Variants in DNAH14 observed in about 807,000 individuals in gnomAD.
DNAH14 encodes dynein axonemal heavy chain 14, also known as axonemal beta dynein heavy chain 14.
DNAH14 carries 478 observed loss-of-function variants against 520.9 expected under a neutral mutation model. The observed-to-expected ratio is 0.92, with a 90% CI of 0.85 to 0.99. The LOEUF is 0.99. Ranked by LOEUF, DNAH14 falls within the 50% of genes least tolerant of loss-of-function variation. DNAH14 has a pLI of 0.00. For missense variants in DNAH14, 4,831 were observed against 5,234.5 expected (o/e 0.92, Z 2.38); for synonymous variants, 1,581 against 1,757.2 (o/e 0.90, Z 2.51).
chr1:225,351,917 AGTAT>A (rs1558494091), intron 72 of DNAH14, 34 bp downstream of exon 72: 1 of 1,503,920 alleles, frequency 6.6e-7, no homozygotes, highest in Non-Finnish European at 9.0e-7. Context: ...ACCTAACTTA[AGTAT>A]GTGTGTATGT....
chr1:225,335,381 A>ATACACGTGTGTACATGTGTGTGTG lies in DNAH14; in HGVS notation c.10080+1876_10080+1877insACACGTGTGTACATGTGTGTGTGT, dbSNP rs1558428230. On this transcript the variant is annotated intron_variant, in intron 66 of 85. Coordinates refer to ENST00000682510, the MANE Select transcript of DNAH14 (RefSeq NM_001367479.1). The stretch of plus-strand genomic sequence containing the variant: ...TATACACGTGTACATGTGTGTGTAT[A>ATACACGTGTGTACATGTGTGTGTG]TGCACATATACACATGTGTACATGT... Among the ~76,000 whole-genome samples, 15 of 66,556 alleles carry ATACACGTGTGTACATGTGTGTGTG rather than the reference A, an allele frequency of 2.3e-4. 2 individuals are homozygous for ATACACGTGTGTACATGTGTGTGTG. The highest frequency in any genetic ancestry group is 3.0e-4 in the African/African-American group (5 of 16,696). 43.7% of individuals were successfully genotyped at this position (66,556 alleles called of 152,430 possible). A position where few individuals can be genotyped will look rare whatever the true frequency, so the allele number is the denominator to read the frequency against.
intron 84 of DNAH14, among the ~76,000 whole-genome samples, chr1:225,392,976 C>T (rs2095941252): frequency 6.6e-6 from 1 of 152,196 alleles, no homozygotes; most frequent in Non-Finnish European, 1.5e-5. Flanking sequence ...CCAGCCCTGC[C>T]ACTCCCACGC....
chr1:225,017,575 T>C (rs2065313635), intron 10 of DNAH14, among the ~76,000 whole-genome samples: 1 of 152,208 alleles, frequency 6.6e-6, no homozygotes, highest in Non-Finnish European at 1.5e-5. Context: ...ACACTTTTGC[T>C]GACAGCCTCC....
intron 10 of DNAH14, among the ~76,000 whole-genome samples, chr1:225,009,963 T>G (rs1393982707): frequency 6.6e-6 from 1 of 152,242 alleles, no homozygotes; most frequent in Non-Finnish European, 1.5e-5. Flanking sequence ...GAGACTTTGC[T>G]GAAGTTGCTT....
chr1:225,324,106 GC>G (rs2094607134), intron 62 of DNAH14, 115 bp from the exon 63 acceptor site: 2 of 1,317,910 alleles, frequency 1.5e-6, no homozygotes, highest in Non-Finnish European at 1.0e-6. Context: ...ATGAGCCGCC[GC>G]CCCCGGCCTG....
chr1:225,343,534 G>T (rs74737443), intron 69 of DNAH14, among the ~76,000 whole-genome samples: 6,283 of 152,100 alleles, frequency 0.041, 185 homozygotes, highest in Middle Eastern at 0.075. Context: ...GAGAAATAAA[G>T]TCTGTAACTC....
intron 9 of DNAH14, among the ~76,000 whole-genome samples, chr1:225,007,085 G>A (rs1266725960): frequency 1.3e-5 from 2 of 152,126 alleles, no homozygotes; most frequent in Non-Finnish European, 2.9e-5. Flanking sequence ...TACAGATAAT[G>A]GTGACTTCAA....
At chr1:225,296,506 G>T (rs1486602339) in intron 55 of DNAH14, among the ~76,000 whole-genome samples, 2 of 140,082 alleles carry the variant, frequency 1.4e-5, no homozygotes, top group African/African-American at 2.6e-5. Flanking sequence ...TTTGTGGTGG[G>T]TGGTTTTTTT....
chr1:225,353,059 T>C (rs2095389112), intron 72 of DNAH14, among the ~76,000 whole-genome samples: 2 of 152,142 alleles, frequency 1.3e-5, no homozygotes, highest in Non-Finnish European at 2.9e-5. Flanking sequence ...TTTATAACTA[T>C]ACCTTCATGT....
chr1:225,222,960 G>T (rs75504704), intron 41 of DNAH14, among the ~76,000 whole-genome samples: 1 of 152,116 alleles, frequency 6.6e-6, no homozygotes, highest in East Asian at 1.9e-4. Context: ...TTTACTTAGG[G>T]CTGCTTTGCT....
chr1:224,971,050 A>G (rs2061475503), intron 7 of DNAH14, among the ~76,000 whole-genome samples: 1 of 152,188 alleles, frequency 6.6e-6, no homozygotes, highest in Non-Finnish European at 1.5e-5. Flanking sequence ...AATAAAACAG[A>G]GTAAGGGAGC....
intron 46 of DNAH14, among the ~76,000 whole-genome samples, chr1:225,260,160 G>A (rs2092884070): frequency 6.6e-6 from 1 of 152,008 alleles, no homozygotes; most frequent in Non-Finnish European, 1.5e-5. Flanking sequence ...AGACCAGCCT[G>A]ACCAACATGG....
chr1:225,154,298 C>T lies in DNAH14; in HGVS notation c.5273+472C>T, dbSNP rs148589644. Among the ~76,000 whole-genome samples the T allele has an allele frequency of 1.6e-4, 24 of 152,046 alleles. No homozygotes were observed. The East Asian group carries it at 1.7e-3, about 11-fold the overall frequency. On this transcript the variant is annotated intron_variant, in intron 34 of 85. Coordinates refer to ENST00000682510, the MANE Select transcript of DNAH14 (RefSeq NM_001367479.1). ...TTTAAATACTCTAAACATTAATTTACGAATGGAAATGCAATCTCAGTAAAA... is the reference window on the plus strand; with the variant it reads ...TTTAAATACTCTAAACATTAATTTATGAATGGAAATGCAATCTCAGTAAAA...
chr1:224,930,599 A>G (rs2058623860), intron 1 of DNAH14, among the ~76,000 whole-genome samples: 1 of 152,084 alleles, frequency 6.6e-6, no homozygotes, highest in Non-Finnish European at 1.5e-5. Context: ...TATTTACTAT[A>G]CCATACTTTT....
At chr1:224,951,337 T>C (rs935495550) in intron 1 of DNAH14, among the ~76,000 whole-genome samples, 4 of 151,954 alleles carry the variant, frequency 2.6e-5, no homozygotes, top group African/African-American at 9.7e-5. Context: ...TGTTGGCTCT[T>C]TTTCAAAAAA....
At chr1:225,306,107 T>C (rs2094236074) in intron 58 of DNAH14, among the ~76,000 whole-genome samples, 1 of 152,174 alleles carries the variant, frequency 6.6e-6, no homozygotes, top group Admixed American at 6.5e-5. Flanking sequence ...TGCTGGAGAG[T>C]GTGAACTAAT....
chr1:225,160,839 A>G (rs1471129482), intron 35 of DNAH14, among the ~76,000 whole-genome samples: 2 of 152,052 alleles, frequency 1.3e-5, no homozygotes, highest in Non-Finnish European at 2.9e-5. Context: ...TTCACTTAAT[A>G]TATCTTTTTC....
intron 36 of DNAH14, among the ~76,000 whole-genome samples, chr1:225,183,628 C>T (rs2084312078): frequency 6.8e-6 from 1 of 146,158 alleles, no homozygotes; most frequent in African/African-American, 2.5e-5. Flanking sequence ...TCAATGAAAC[C>T]AAAAGTTGGT....
intron 27 of DNAH14, among the ~76,000 whole-genome samples, chr1:225,132,420 C>T (rs867310571): frequency 1.3e-5 from 2 of 151,908 alleles, no homozygotes; most frequent in Non-Finnish European, 2.9e-5. Context: ...CCCCATGTGT[C>T]TGTGTGTTCT....
Sources: gnomAD v4.1 joint callset for allele counts (sites outside exome capture counted in the v4.1 genomes callset) on GRCh38, gnomAD v4.1.1 for gene constraint, MANE v1.5 for transcripts, NCBI Gene and HGNC (gene_info 2026-07-23, HGNC 2026-07-21) for gene names.